The following CLEC16A variants were observed in gnomAD, a reference collection of about 807,000 sequenced individuals.
The protein encoded by CLEC16A is protein CLEC16A.
Under a neutral mutation model 109.5 loss-of-function variants are expected in CLEC16A, and 51 were observed. The ratio of observed to expected loss-of-function variants is 0.47; its 90% CI spans 0.37 to 0.59. The LOEUF (loss-of-function observed/expected upper bound fraction) is 0.59, where lower values mean the gene tolerates loss of function less well. Among genes scored for constraint, CLEC16A ranks in the 20% least tolerant of loss-of-function variants. CLEC16A has a pLI of 0.00. For missense variants in CLEC16A, 1,339 were observed against 1,394.0 expected, an observed-to-expected ratio of 0.96 and a Z score of 0.63; for synonymous variants, 673 against 564.2, an observed-to-expected ratio of 1.19 and a Z score of -2.73.
chr16:11,060,031 G>T (rs1025682206), intron 18 of CLEC16A, among the ~76,000 whole-genome samples: 1 of 152,228 alleles, frequency 6.6e-6, no homozygotes, highest in Non-Finnish European at 1.5e-5. Context: ...TGGTGGGCAA[G>T]CCTGTCCTGG....
chr16:11,069,330 T>G (rs897760580), intron 19 of CLEC16A, among the ~76,000 whole-genome samples: 3 of 152,192 alleles, frequency 2.0e-5, no homozygotes, highest in Non-Finnish European at 4.4e-5. Flanking sequence ...GGTTTCACTA[T>G]GTTGCCCAGG....
intron 9 of CLEC16A, among the ~76,000 whole-genome samples, chr16:10,979,725 C>T (rs1464930784): frequency 6.6e-6 from 1 of 152,176 alleles, no homozygotes; most frequent in African/African-American, 2.4e-5. Context: ...ACTCCTGCAG[C>T]TTTGAATGAA....
intron 22 of CLEC16A, among the ~76,000 whole-genome samples, chr16:11,149,546 C>G (rs897554143): frequency 1.3e-5 from 2 of 152,028 alleles, no homozygotes; most frequent in Non-Finnish European, 2.9e-5. Flanking sequence ...AATCTCAACA[C>G]TTTGGGAGGC....
At chr16:10,993,475 G>A (rs115618138) in intron 10 of CLEC16A, among the ~76,000 whole-genome samples, 1,991 of 152,230 alleles carry the variant, frequency 0.013, 40 homozygotes, top group African/African-American at 0.045. Context: ...ATTGTCACAC[G>A]CTCCCCATAA....
At chr16:11,066,465 A>T (rs1419420390) in intron 19 of CLEC16A, 1 of 152,226 alleles carries the variant, frequency 6.6e-6, no homozygotes, top group Non-Finnish European at 1.5e-5. Context: ...TTCCAAGCAG[A>T]AGGTGCTGAA....
intron 12 of CLEC16A, among the ~76,000 whole-genome samples, chr16:11,022,337 CTTTTTTTTTTTTT>C (rs36094157): frequency 4.3e-5 from 4 of 93,470 alleles, no homozygotes; most frequent in South Asian, 3.6e-4. Flanking sequence ...GTCTGGCTAC[CTTTTTTTTTTTTT>C]TTTTTTTTTT....
rs1313123825 is a variant in CLEC16A, at chr16:11,157,243, C to T, written c.2642-9145C>T. The T allele has an allele frequency of 2.5e-6, 3 of 1,201,602 alleles. No individual in the cohort carries two copies. In the East Asian group the frequency reaches 1.8e-4, roughly 72 times the overall value. 74.4% of individuals were successfully genotyped at this position (1,201,602 alleles called of 1,614,324 possible). On this transcript the variant is annotated intron_variant, in intron 22 of 23. Coordinates refer to ENST00000409790, the MANE Select transcript of CLEC16A (RefSeq NM_015226.3). Reference sequence around the variant, plus strand: ...TAAGCGTTGTGAGGTGCAGCCTAGTCAGTGATCAGTGATGTGGGGGTCGCC... The same window carrying T: ...TAAGCGTTGTGAGGTGCAGCCTAGTTAGTGATCAGTGATGTGGGGGTCGCC...
At chr16:11,076,939 A>G (rs1004652127) in intron 19 of CLEC16A, among the ~76,000 whole-genome samples, 1 of 152,228 alleles carries the variant, frequency 6.6e-6, no homozygotes, top group Non-Finnish European at 1.5e-5. Flanking sequence ...TTCTATTCAG[A>G]TTAGGCAGAA....
chr16:11,054,491 G>A (rs2048109133), intron 18 of CLEC16A, among the ~76,000 whole-genome samples: 1 of 152,218 alleles, frequency 6.6e-6, no homozygotes, highest in African/African-American at 2.4e-5. Context: ...AACCCGAGTG[G>A]CTGGCTGAAG....
intron 22 of CLEC16A, among the ~76,000 whole-genome samples, chr16:11,132,475 C>G (rs1467263915): frequency 1.3e-5 from 2 of 152,054 alleles, no homozygotes; most frequent in Non-Finnish European, 2.9e-5. Context: ...CACATTTGGG[C>G]TGTGTCTGCC....
At chr16:11,006,481 A>G (rs562600434) in intron 11 of CLEC16A, among the ~76,000 whole-genome samples, 1 of 152,242 alleles carries the variant, frequency 6.6e-6, no homozygotes, top group South Asian at 2.1e-4. Context: ...CTTCTCTAGA[A>G]GCTCCTTTCA....
intron 19 of CLEC16A, among the ~76,000 whole-genome samples, chr16:11,103,997 C>T (rs1011163938): frequency 6.6e-6 from 1 of 152,170 alleles, no homozygotes; most frequent in East Asian, 1.9e-4. Context: ...CAGAAGAGCT[C>T]CTTGAGGTCT....
intron 19 of CLEC16A, among the ~76,000 whole-genome samples, chr16:11,105,589 A>C (rs536983064): frequency 6.6e-6 from 1 of 152,342 alleles, no homozygotes; most frequent in East Asian, 1.9e-4. Context: ...TGTGCCTTTC[A>C]TACTGAGAGA....
intron 19 of CLEC16A, among the ~76,000 whole-genome samples, chr16:11,078,927 T>G (rs2049545017): frequency 6.6e-6 from 1 of 152,170 alleles, no homozygotes; most frequent in Admixed American, 6.5e-5. Flanking sequence ...GTTGAGTTTG[T>G]GGAAGTTAAG....
chr16:10,977,960 A>G (rs2043113281), intron 8 of CLEC16A, among the ~76,000 whole-genome samples: 1 of 152,196 alleles, frequency 6.6e-6, no homozygotes, highest in African/African-American at 2.4e-5. Context: ...GAAACAGGAA[A>G]CATCTACAAA....
At chr16:10,981,797 CAG>C (rs1333545854) in intron 9 of CLEC16A, among the ~76,000 whole-genome samples, 6 of 152,226 alleles carry the variant, frequency 3.9e-5, no homozygotes, top group Admixed American at 1.3e-4. Flanking sequence ...TATGTCCTAA[CAG>C]AGACATCTGT....
In CLEC16A at chr16:10,957,860, C is replaced by T. The variant is rs1394789889; in HGVS notation, c.159C>T (p.Ser53=). The T allele has an allele frequency of 6.2e-7, 1 of 1,613,850 alleles. No individual in the cohort carries two copies. Residue 53 remains serine (S), a synonymous_variant, in exon 2 of 24, where the codon TCC becomes TCT. Transcript: ENST00000409790. ...ACCTGCTAGTGGAGACCATCCGTTC[C>T]ATCACTGAGATCCTGATCTGGGGAG... ...NRNLLVETIR[S]ITEILIWGDQ... is the part of the protein sequence containing the mutation.
intron 12 of CLEC16A, among the ~76,000 whole-genome samples, chr16:11,023,000 A>G (rs193251474): frequency 2.1e-4 from 31 of 150,532 alleles, no homozygotes; most frequent in African/African-American, 7.0e-4. Context: ...TAAAATTATG[A>G]AAGTATGCAA....
At chr16:11,111,464 T>C (rs1443535785) in intron 19 of CLEC16A, among the ~76,000 whole-genome samples, 1 of 152,202 alleles carries the variant, frequency 6.6e-6, no homozygotes, top group African/African-American at 2.4e-5. Context: ...CTTCCATTGG[T>C]ACTCTTTTGG....
Sources: gnomAD v4.1 joint callset for allele counts (sites outside exome capture counted in the v4.1 genomes callset) on GRCh38, gnomAD v4.1.1 for gene constraint, MANE v1.5 for transcripts, NCBI Gene and HGNC (gene_info 2026-07-23, HGNC 2026-07-21) for gene names.